The following ZFPM1 variants were observed in gnomAD, a reference collection of about 807,000 sequenced individuals.
ZFPM1 encodes zinc finger protein, FOG family member 1.
A neutral mutation model predicts 46.3 loss-of-function variants in ZFPM1; 28 were observed. The ratio of observed to expected loss-of-function variants is 0.60; its 90% CI spans 0.45 to 0.83. The LOEUF is 0.83. Among genes scored for constraint, ZFPM1 ranks in the 40% least tolerant of loss-of-function variants. ZFPM1 has a pLI of 0.00. For synonymous variants in ZFPM1, 957 were observed against 675.9 expected (o/e 1.42, Z -6.45); for missense variants, 1,878 against 1,432.4 (o/e 1.31, Z -5.02).
chr16:88,474,692 G>A (rs536315735), intron 1 of ZFPM1, among the ~76,000 whole-genome samples: 14 of 152,302 alleles, frequency 9.2e-5, no homozygotes, highest in East Asian at 3.9e-4. Context: ...CAGCCCCCAC[G>A]CCAGCCCGCT....
intron 1 of ZFPM1, among the ~76,000 whole-genome samples, chr16:88,477,875 C>T (rs1908755113): frequency 6.6e-6 from 1 of 152,234 alleles, no homozygotes; most frequent in Non-Finnish European, 1.5e-5. Flanking sequence ...AGCAGCAGCT[C>T]CCCAGGCTTG....
chr16:88,469,783 T>A lies in ZFPM1; in HGVS notation c.40+16105T>A, dbSNP rs1266108541. On this transcript the variant is annotated intron_variant, in intron 1 of 9. Transcript: ENST00000319555. This position sits in a 1 kb window ranked among gnomAD's most constrained non-coding sequence, Gnocchi z 4.3. ...AGGAGAGAAAGAGTCTGGGCTGAGA[T>A]CTAAGGAGAGGAAGTAGGGAGGGGC... 6.6e-6 allele frequency among the ~76,000 whole-genome samples: 1 copy of A among 151,328 alleles called. No homozygotes were observed. The highest frequency in any genetic ancestry group is 1.5e-5 in the Non-Finnish European group (1 of 67,872).
chr16:88,453,989 G>C (rs1237235262), intron 1 of ZFPM1, among the ~76,000 whole-genome samples: 1 of 152,206 alleles, frequency 6.6e-6, no homozygotes, highest in African/African-American at 2.4e-5. Flanking sequence ...GCATCTGCGA[G>C]ATGGTGCGGC....
intron 3 of ZFPM1, among the ~76,000 whole-genome samples, chr16:88,494,579 G>A (rs1597249966): frequency 1.3e-5 from 2 of 152,312 alleles, no homozygotes; most frequent in African/African-American, 4.8e-5. Context: ...TCCAGGAGGG[G>A]GTGTCCGCGG....
intron 4 of ZFPM1, among the ~76,000 whole-genome samples, chr16:88,523,426 C>A (rs931087055): frequency 6.6e-6 from 1 of 152,228 alleles, no homozygotes; most frequent in Non-Finnish European, 1.5e-5. Context: ...CCTGCCCCAG[C>A]GTCTCCTGGC....
At chr16:88,492,150 G>A (rs568330080) in intron 3 of ZFPM1, among the ~76,000 whole-genome samples, 133 of 150,264 alleles carry the variant, frequency 8.9e-4, no homozygotes, top group African/African-American at 2.8e-3. Context: ...TCTCTTTGCC[G>A]TTCTCCTTCT....
intron 1 of ZFPM1, among the ~76,000 whole-genome samples, chr16:88,461,379 C>A (rs992869374): frequency 1.3e-5 from 2 of 152,156 alleles, no homozygotes; most frequent in African/African-American, 4.8e-5. Flanking sequence ...CCTCAGGGCT[C>A]CGGGTGGTTG....
chr16:88,461,969 TGC>T (rs1907913952), intron 1 of ZFPM1, among the ~76,000 whole-genome samples: 1 of 152,214 alleles, frequency 6.6e-6, no homozygotes. Flanking sequence ...CTCTGGGCAC[TGC>T]CCACTCAGCA....
rs1282845013 is a variant in ZFPM1, at chr16:88,534,289, C to G, written c.2331C>G (p.Ser777Arg). The G allele has an allele frequency of 8.5e-7, 1 of 1,177,608 alleles. No homozygotes were observed. Among genetic ancestry groups the G allele is most frequent in the Non-Finnish European group, 1.0e-6 (1 of 956,490 alleles). 72.9% of individuals were successfully genotyped at this position (1,177,608 alleles called of 1,614,324 possible). A position where few individuals can be genotyped will look rare whatever the true frequency, so the allele number is the denominator to read the frequency against. Residue 777 changes from serine to arginine, a missense_variant, in exon 10 of 10, where the codon AGC (serine) becomes AGG (arginine). Ser to Arg is a moderately radical substitution (Grantham distance 110). Coordinates refer to ENST00000319555, the MANE Select transcript of ZFPM1 (RefSeq NM_153813.3). ...CGCGGCCCGGAAGCGGAAGCGGAAG[C>G]GGCCCCGGCCTCGCCCCTGCGCGCT... ...ESPRPGSGSG[S>R]GPGLAPARSP... is the part of the protein sequence containing the mutation.
chr16:88,506,677 C>T (rs1037161158), intron 3 of ZFPM1, among the ~76,000 whole-genome samples: 5 of 152,010 alleles, frequency 3.3e-5, no homozygotes, highest in African/African-American at 1.2e-4. Flanking sequence ...ATTTCTCTAC[C>T]CATCCTGGGT....
At chr16:88,484,850 T>C (rs1326741638) in intron 1 of ZFPM1, among the ~76,000 whole-genome samples, 1 of 152,230 alleles carries the variant, frequency 6.6e-6, no homozygotes, top group East Asian at 1.9e-4. Flanking sequence ...CCGGAGCAGC[T>C]GCCCCCGCAC....
chr16:88,494,283 C>T lies in ZFPM1; in HGVS notation c.268+5130C>T, dbSNP rs964406142. On this transcript the variant is annotated intron_variant, in intron 3 of 9. Transcript: ENST00000319555. ...GCAGGGGCCGGGAGCAGCCACCTTGCGCTCCCCCGTCGGTGGCAGTCACCA... is the reference window on the plus strand; with the variant it reads ...GCAGGGGCCGGGAGCAGCCACCTTGTGCTCCCCCGTCGGTGGCAGTCACCA... 5.9e-5 allele frequency among the ~76,000 whole-genome samples: 9 copies of T among 152,218 alleles called. No individual in the cohort carries two copies. In the East Asian group the frequency reaches 1.4e-3, roughly 23 times the overall value.
chr16:88,533,238 G>T lies in ZFPM1; in HGVS notation c.1280G>T (p.Gly427Val), dbSNP rs1466567358. 1 of 1,562,892 alleles carries T rather than the reference G, an allele frequency of 6.4e-7. No individual in the cohort carries two copies. Among genetic ancestry groups the T allele is most frequent in the South Asian group, 1.2e-5 (1 of 85,910 alleles). Reference sequence around the variant, plus strand: ...GGCCTGGCGCCCACCCCATCGCCAGGACTGGACAGAAAGGCCCTGGCCGAG... The same window carrying T: ...GGCCTGGCGCCCACCCCATCGCCAGTACTGGACAGAAAGGCCCTGGCCGAG... ...DLGLAPTPSP[G>V]LDRKALAEAT... The change falls in exon 10 of 10, where the codon GGA becomes GTA. Residue 427 changes from glycine to valine, a missense_variant. Physicochemically the swap from Gly to Val is moderately radical, Grantham distance 109. Transcript: ENST00000319555.
In ZFPM1 at chr16:88,534,944, T is replaced by C; in HGVS notation, c.2986T>C (p.Tyr996His). Residue 996 changes from tyrosine (Y) to histidine (H), a missense_variant, in exon 10 of 10, where the codon TAC becomes CAC. Physicochemically the swap from Tyr to His is moderately conservative, Grantham distance 83. Transcript: ENST00000319555. ...CACCTTCATCGCCCACAAGAAGTAT[T>C]ACTGCTCCTCGCACGCCGCCGAGCA... ...LSTFIAHKKY[Y>H]CSSHAAEHVK 1.3e-6 allele frequency: 2 copies of C among 1,525,152 alleles called. No homozygotes were observed. Among genetic ancestry groups the C allele is most frequent in the Non-Finnish European group, 1.8e-6 (2 of 1,132,574 alleles). The allele number at this position is 1,525,152 out of a possible 1,614,324, so 94.5% of individuals were successfully genotyped here.
At chr16:88,533,049 A>T in intron 9 of ZFPM1, 99 bp from the exon 10 acceptor site, 1 of 1,470,086 alleles carries the variant, frequency 6.8e-7, no homozygotes, top group Non-Finnish European at 9.0e-7. Flanking sequence ...GCTCTAAACC[A>T]CTCCCGCCCA....
chr16:88,534,451 C>T lies in ZFPM1; in HGVS notation c.2493C>T (p.Ala831=). 4.7e-6 allele frequency: 7 copies of T among 1,497,270 alleles called. No homozygotes were observed. The highest frequency in any genetic ancestry group is 5.3e-6 in the Non-Finnish European group (6 of 1,130,410). The allele number at this position is 1,497,270 out of a possible 1,614,324, so 92.7% of individuals were successfully genotyped here. The stretch of plus-strand genomic sequence containing the variant: ...GCGTGAGCTTCCACAGCCTCGAGGC[C>T]TACCTGGCGCACAAGAAGTACTCGT... ...ACRVSFHSLE[A]YLAHKKYSCP... The change falls in exon 10 of 10, where the codon GCC becomes GCT. Residue 831 remains alanine (A), a synonymous_variant. Coordinates refer to ENST00000319555, the MANE Select transcript of ZFPM1 (RefSeq NM_153813.3).
intron 4 of ZFPM1, among the ~76,000 whole-genome samples, chr16:88,517,107 C>T (rs1331027610): frequency 6.6e-6 from 1 of 152,076 alleles, no homozygotes; most frequent in African/African-American, 2.4e-5. Context: ...AGGGGCCCAG[C>T]CAGCTTCAGA....
intron 4 of ZFPM1, among the ~76,000 whole-genome samples, chr16:88,517,376 A>G (rs563484554): frequency 2.0e-4 from 27 of 138,248 alleles, no homozygotes; most frequent in African/African-American, 7.5e-4. Context: ...TGGGTGGATG[A>G]TGGGTGGATG....
chr16:88,469,776 G>C lies in ZFPM1; in HGVS notation c.40+16098G>C, dbSNP rs576032244. On this transcript the variant is annotated intron_variant, in intron 1 of 9. Transcript: ENST00000319555. This position sits in a 1 kb window ranked among gnomAD's most constrained non-coding sequence, Gnocchi z 4.3. ...CGGGGCGAGGAGAGAAAGAGTCTGGGCTGAGATCTAAGGAGAGGAAGTAGG... is the reference window on the plus strand; with the variant it reads ...CGGGGCGAGGAGAGAAAGAGTCTGGCCTGAGATCTAAGGAGAGGAAGTAGG... Among the ~76,000 whole-genome samples the C allele has an allele frequency of 7.9e-5, 12 of 152,246 alleles. No individual in the cohort carries two copies. Among genetic ancestry groups the C allele is most frequent in the Middle Eastern group, 6.8e-3 (2 of 294 alleles).
Sources: gnomAD v4.1 joint callset for allele counts (sites outside exome capture counted in the v4.1 genomes callset) on GRCh38, gnomAD v4.1.1 for gene constraint, Gnocchi (gnomAD v3.1) non-coding constraint, MANE v1.5 for transcripts, NCBI Gene and HGNC (gene_info 2026-07-23, HGNC 2026-07-21) for gene names.